The following SORBS2 variants were observed in gnomAD, a reference collection of about 807,000 sequenced individuals.
The protein encoded by SORBS2 is sorbin and SH3 domain-containing protein 2.
In SORBS2, 46 loss-of-function variants were observed where a neutral mutation model predicts 97.7. The observed-to-expected ratio is 0.47, with a 90% CI of 0.37 to 0.60. The LOEUF (loss-of-function observed/expected upper bound fraction) is 0.60. Ranked by LOEUF, SORBS2 falls within the 20% of genes least tolerant of loss-of-function variation. The pLI is 0.00. For synonymous variants in SORBS2, 476 were observed against 473.4 expected (o/e 1.01, Z -0.07); for missense variants, 1,316 against 1,282.3 (o/e 1.03, Z -0.40).
chr4:185,733,836 T>A (rs1053897369), intron 2 of SORBS2, among the ~76,000 whole-genome samples: 1 of 152,174 alleles, frequency 6.6e-6, no homozygotes, highest in African/African-American at 2.4e-5. Flanking sequence ...TTTCCTCTGA[T>A]GTTCCCCTGC....
chr4:185,866,022 AT>A (rs1349608226), intron 1 of SORBS2, among the ~76,000 whole-genome samples: 4 of 152,210 alleles, frequency 2.6e-5, no homozygotes, highest in African/African-American at 9.6e-5. Flanking sequence ...AGGTTTTGAT[AT>A]GTACAAATTG....
At chr4:185,936,767 TC>T (rs577044387) in intron 1 of SORBS2, among the ~76,000 whole-genome samples, 2 of 152,256 alleles carry the variant, frequency 1.3e-5, no homozygotes, top group South Asian at 4.2e-4. Context: ...ACAGAAGATT[TC>T]CCTTTCCGTC....
intron 2 of SORBS2, among the ~76,000 whole-genome samples, chr4:185,763,065 T>C (rs2098911341): frequency 6.6e-6 from 1 of 152,180 alleles, no homozygotes; most frequent in Non-Finnish European, 1.5e-5. Flanking sequence ...GGCAGGTGCC[T>C]GTAATCCCAG....
At chr4:185,667,861 T>C (rs1216547597) in intron 4 of SORBS2, among the ~76,000 whole-genome samples, 3 of 151,484 alleles carry the variant, frequency 2.0e-5, no homozygotes, top group Non-Finnish European at 4.4e-5. Context: ...TTATTGGAGG[T>C]GAAACTTTAA....
exon 15 of SORBS2, chr4:185,586,672 C>T (rs1226887818): frequency 2.0e-5 from 3 of 152,622 alleles, no homozygotes; most frequent in Non-Finnish European, 2.9e-5. Flanking sequence ...TGTGTACACA[C>T]AGTGAAATCT....
At chr4:185,647,616 A>C (rs1230535826) in intron 3 of SORBS2, among the ~76,000 whole-genome samples, 1 of 152,146 alleles carries the variant, frequency 6.6e-6, no homozygotes, top group African/African-American at 2.4e-5. Flanking sequence ...GAATGGAATG[A>C]AATTCTTGCT....
At chr4:185,608,276 T>C (rs1483128163) in intron 12 of SORBS2, among the ~76,000 whole-genome samples, 1 of 152,244 alleles carries the variant, frequency 6.6e-6, no homozygotes, top group African/African-American at 2.4e-5. Context: ...TCTAAGTGAA[T>C]AAGTTCTGAA....
chr4:185,907,829 T>C (rs2099251943), intron 1 of SORBS2, among the ~76,000 whole-genome samples: 1 of 152,198 alleles, frequency 6.6e-6, no homozygotes, highest in Non-Finnish European at 1.5e-5. Context: ...AATCTTCTCC[T>C]TGTACAAATG....
chr4:185,615,933 T>C (rs1210183751), intron 9 of SORBS2, among the ~76,000 whole-genome samples: 1 of 152,242 alleles, frequency 6.6e-6, no homozygotes, highest in Non-Finnish European at 1.5e-5. Flanking sequence ...TATAATGACA[T>C]TATGCATTTT....
intron 1 of SORBS2, among the ~76,000 whole-genome samples, chr4:185,799,195 G>A (rs973715703): frequency 2.0e-5 from 3 of 152,130 alleles, no homozygotes; most frequent in Non-Finnish European, 4.4e-5. Flanking sequence ...AAGCTCTGGA[G>A]TCAGTTACAG....
chr4:185,938,389 T>TACATACACAC (rs1554055086), intron 1 of SORBS2, among the ~76,000 whole-genome samples: 3 of 136,440 alleles, frequency 2.2e-5, no homozygotes, highest in Non-Finnish European at 3.2e-5. Flanking sequence ...TGTAGACACA[T>TACATACACAC]ACACACACAC....
intron 1 of SORBS2, among the ~76,000 whole-genome samples, chr4:185,656,440 C>CT (rs35080375): frequency 0.13 from 18,013 of 140,886 alleles, 1,159 homozygotes; most frequent in Admixed American, 0.18. Context: ...CTTACCACGG[C>CT]TTTTTTTTTT....
chr4:185,894,697 T>C (rs752536513), intron 1 of SORBS2, among the ~76,000 whole-genome samples: 2 of 152,112 alleles, frequency 1.3e-5, no homozygotes, highest in African/African-American at 2.4e-5. Flanking sequence ...TCAGCTCCAT[T>C]GCGCTGACAC....
At chr4:185,779,299 C>T (rs2099015883) in intron 1 of SORBS2, among the ~76,000 whole-genome samples, 1 of 152,186 alleles carries the variant, frequency 6.6e-6, no homozygotes, top group Non-Finnish European at 1.5e-5. Flanking sequence ...CGGTTTCCTC[C>T]TCTGTAATGA....
intron 3 of SORBS2, 65 bp from the exon 7 acceptor site, chr4:185,678,612 A>G: frequency 7.0e-7 from 1 of 1,429,716 alleles, no homozygotes; most frequent in Non-Finnish European, 9.3e-7. Context: ...TTTTTATAAA[A>G]TTTATTTTTA....
chr4:185,885,846 C>G (rs2310371), intron 1 of SORBS2, among the ~76,000 whole-genome samples: 93,562 of 152,048 alleles, frequency 0.62, 29,365 homozygotes, highest in African/African-American at 0.74. Flanking sequence ...TTAGAAAATA[C>G]GAATTCGGTC....
At chr4:185,600,843 G>C (rs28693391) in intron 12 of SORBS2, among the ~76,000 whole-genome samples, 19,133 of 151,978 alleles carry the variant, frequency 0.13, 1,377 homozygotes, top group East Asian at 0.21. Context: ...GGCCTTTTTG[G>C]GGGGAAACAT....
chr4:185,648,517 T>A (rs1225179715), intron 3 of SORBS2, among the ~76,000 whole-genome samples: 1 of 151,002 alleles, frequency 6.6e-6, no homozygotes, highest in Non-Finnish European at 1.5e-5. Flanking sequence ...ACTACAGGCA[T>A]GAGCCACCAC....
At chr4:185,838,820 C>G (rs2099209748) in intron 1 of SORBS2, among the ~76,000 whole-genome samples, 1 of 152,144 alleles carries the variant, frequency 6.6e-6, no homozygotes, top group African/African-American at 2.4e-5. Context: ...TCACTCTCAC[C>G]ACTTTGACAT....
Sources: allele counts gnomAD v4.1 joint callset (sites outside exome capture counted in the v4.1 genomes callset), GRCh38; gene constraint gnomAD v4.1.1; transcripts MANE v1.5; gene names NCBI Gene and HGNC (gene_info 2026-07-23, HGNC 2026-07-21).